Variants in FAM193A observed in about 807,000 individuals in gnomAD.
FAM193A encodes protein FAM193A.
FAM193A carries 22 observed loss-of-function variants against 126.5 expected under a neutral mutation model. The observed-to-expected ratio is 0.17, with a 90% CI of 0.12 to 0.25. FAM193A has a LOEUF of 0.25. FAM193A is among the 10% of genes least tolerant of loss of function. The pLI, the probability that FAM193A is intolerant of heterozygous loss-of-function variation, is 1.00. For synonymous variants in FAM193A, 761 were observed against 646.8 expected, an observed-to-expected ratio of 1.18 and a Z score of -2.68; for missense variants, 1,675 against 1,672.8, an observed-to-expected ratio of 1.00 and a Z score of -0.02.
intron 5 of FAM193A, among the ~76,000 whole-genome samples, chr4:2,633,374 G>A (rs920051644): frequency 1.5e-4 from 22 of 151,628 alleles, no homozygotes; most frequent in African/African-American, 5.3e-4. Context: ...ACTCCAGTCT[G>A]GGCAACAGAG....
chr4:2,693,115 G>C (rs1276215298), intron 15 of FAM193A, among the ~76,000 whole-genome samples: 1 of 151,952 alleles, frequency 6.6e-6, no homozygotes, highest in Admixed American at 6.6e-5. Context: ...GCAGTGGTGC[G>C]ATCTGTGATC....
rs149997747 is a variant in FAM193A, at chr4:2,571,232, G to A, written c.256-24852G>A. Among the ~76,000 whole-genome samples the A allele has an allele frequency of 5.3e-5, 8 of 152,282 alleles. No individual in the cohort carries two copies. The East Asian group carries it at 1.5e-3, about 29-fold the overall frequency. ...AAATTATGTTTTTATGACAGGCCTTGTTGTGGGTCCTGAAGAGAACAGCTG... is the reference window on the plus strand; with the variant it reads ...AAATTATGTTTTTATGACAGGCCTTATTGTGGGTCCTGAAGAGAACAGCTG... On this transcript the variant is annotated intron_variant, in intron 1 of 20. Transcript: ENST00000637812.
intron 4 of FAM193A, 128 bp from the exon 5 acceptor site, chr4:2,630,807 G>T: frequency 1.7e-6 from 1 of 601,222 alleles, no homozygotes; most frequent in South Asian, 2.0e-5. Context: ...AGGTGGTTAT[G>T]AGGAAGGTGA....
chr4:2,685,415 T>C (rs1484288503), intron 13 of FAM193A, among the ~76,000 whole-genome samples: 1 of 152,200 alleles, frequency 6.6e-6, no homozygotes, highest in Non-Finnish European at 1.5e-5. Flanking sequence ...CAGGTAAAGC[T>C]ATGTGGATAA....
intron 2 of FAM193A, among the ~76,000 whole-genome samples, chr4:2,611,837 CA>C (rs1196544053): frequency 2.0e-5 from 3 of 146,992 alleles, no homozygotes; most frequent in African/African-American, 8.0e-5. Context: ...TGATCAAATC[CA>C]TTTTTTTTTT....
At chr4:2,535,801 C>T (rs1227188438), upstream of FAM193A, among the ~76,000 whole-genome samples, 1 of 152,178 alleles carries the variant, frequency 6.6e-6, no homozygotes, top group Admixed American at 6.5e-5. Context: ...CTGGAGAGGG[C>T]TTAACGGGAT....
intron 1 of FAM193A, among the ~76,000 whole-genome samples, chr4:2,591,612 T>C (rs1740577399): frequency 6.6e-6 from 1 of 152,200 alleles, no homozygotes; most frequent in Non-Finnish European, 1.5e-5. Flanking sequence ...TTACTGTGTT[T>C]TTACCCTAAG....
chr4:2,662,952 A>G lies in FAM193A; in HGVS notation c.1860A>G (p.Glu620=), dbSNP rs1448878175. The change falls in exon 11 of 21, where the codon GAA becomes GAG. Residue 620 remains glutamate (E), a synonymous_variant. Transcript: ENST00000637812. ...CCAACATGAATGGAATCCACAGCGAATTGAATGGTGGCGGGGAAAACATGG... is the reference window on the plus strand; with the variant it reads ...CCAACATGAATGGAATCCACAGCGAGTTGAATGGTGGCGGGGAAAACATGG... ...VVANMNGIHS[E]LNGGGENMAL... is the part of the protein sequence containing the mutation. 3 of 1,613,468 alleles carry G rather than the reference A, an allele frequency of 1.9e-6. No homozygotes were observed. Among genetic ancestry groups the G allele is most frequent in the Non-Finnish European group, 2.5e-6 (3 of 1,179,510 alleles).
intron 12 of FAM193A, among the ~76,000 whole-genome samples, chr4:2,671,053 G>T (rs1455103739): frequency 1.3e-5 from 2 of 152,188 alleles, no homozygotes; most frequent in Non-Finnish European, 1.5e-5. Context: ...GATTTGGGCA[G>T]AGGTTGCCCA....
chr4:2,699,264 C>A (rs931710445), intron 18 of FAM193A, among the ~76,000 whole-genome samples: 1 of 152,080 alleles, frequency 6.6e-6, no homozygotes, highest in East Asian at 1.9e-4. Flanking sequence ...CAGTACTGCC[C>A]GGGCAGTCTG....
intron 19 of FAM193A, among the ~76,000 whole-genome samples, chr4:2,706,805 T>C (rs1256815654): frequency 6.6e-6 from 1 of 151,684 alleles, no homozygotes; most frequent in Admixed American, 6.6e-5. Context: ...ATATGAACTT[T>C]AGCATCAATG....
chr4:2,686,276 G>A (rs192459914), intron 13 of FAM193A, among the ~76,000 whole-genome samples: 22 of 152,240 alleles, frequency 1.4e-4, no homozygotes, highest in Non-Finnish European at 2.4e-4. Context: ...AATCATTGCC[G>A]TATGTTTCCA....
At chr4:2,678,264 G>A (rs539995482) in intron 13 of FAM193A, among the ~76,000 whole-genome samples, 22 of 151,598 alleles carry the variant, frequency 1.5e-4, no homozygotes, top group Middle Eastern at 3.4e-3. Context: ...GATTACAGGC[G>A]TGAGCCACCG....
At chr4:2,561,386 T>C (rs1386702647) in intron 1 of FAM193A, among the ~76,000 whole-genome samples, 1 of 152,030 alleles carries the variant, frequency 6.6e-6, no homozygotes, top group Non-Finnish European at 1.5e-5. Context: ...TTTCACCATG[T>C]TGGCCAGGCT....
chr4:2,564,700 T>C (rs1738829212), intron 1 of FAM193A, among the ~76,000 whole-genome samples: 3 of 152,158 alleles, frequency 2.0e-5, no homozygotes, highest in Admixed American at 2.0e-4. Flanking sequence ...ATTTTTGGAG[T>C]ATTCATAGAA....
chr4:2,714,011 G>C (rs1178294561), intron 19 of FAM193A, among the ~76,000 whole-genome samples: 1 of 152,130 alleles, frequency 6.6e-6, no homozygotes, highest in African/African-American at 2.4e-5. Context: ...GATTATTCTA[G>C]TTCTAGTCAG....
At chr4:2,535,507 T>C (rs542577095), upstream of FAM193A, among the ~76,000 whole-genome samples, 37 of 152,282 alleles carry the variant, frequency 2.4e-4, no homozygotes, top group Non-Finnish European at 4.6e-4. Context: ...GGGGAAATCA[T>C]GTCCTTTGTG....
intron 1 of FAM193A, among the ~76,000 whole-genome samples, chr4:2,550,167 G>C (rs1006667059): frequency 2.6e-5 from 4 of 151,118 alleles, no homozygotes; most frequent in African/African-American, 9.7e-5. Context: ...CTCACAGGTT[G>C]CTGAGACTGT....
intron 2 of FAM193A, among the ~76,000 whole-genome samples, chr4:2,616,685 A>G (rs1742207428): frequency 6.6e-6 from 1 of 151,390 alleles, no homozygotes. Context: ...TCAGCCTCCC[A>G]AGTAGCTGGG....
Sources: allele counts gnomAD v4.1 joint callset (sites outside exome capture counted in the v4.1 genomes callset), GRCh38; gene constraint gnomAD v4.1.1; transcripts MANE v1.5; gene names NCBI Gene and HGNC (gene_info 2026-07-23, HGNC 2026-07-21).